Variants in ZNF518A observed in about 807,000 individuals in gnomAD.
ZNF518A encodes the protein zinc finger protein 518A, also known as zinc finger protein 518.
ZNF518A carries 47 observed loss-of-function variants against 102.7 expected under a neutral mutation model. The ratio of observed to expected loss-of-function variants is 0.46; its 90% CI spans 0.36 to 0.58. ZNF518A has a LOEUF of 0.58. Ranked by LOEUF, ZNF518A falls within the 20% of genes least tolerant of loss-of-function variation. The pLI is 0.00. For missense variants in ZNF518A, 1,793 were observed against 1,699.8 expected, an observed-to-expected ratio of 1.05 and a Z score of -0.96; for synonymous variants, 652 against 594.6, an observed-to-expected ratio of 1.10 and a Z score of -1.40.
Position 96,163,477 on chromosome 10 carries a change from G to T in ZNF518A, c.*2703G>T, listed in dbSNP as rs2083075329. The stretch of plus-strand genomic sequence containing the variant: ...AGTTTGTCCATCTCCACTGAAATGG[G>T]TTTCTTACTATTTGGCAAGTACTTA... On this transcript the variant is annotated 3_prime_UTR_variant, in exon 6 of 6. Transcript: ENST00000316045. 6.0e-6 allele frequency: 1 copy of T among 166,878 alleles called. No homozygotes were observed. 10.3% of individuals were successfully genotyped at this position (166,878 alleles called of 1,614,324 possible).
intron 3 of ZNF518A, among the ~76,000 whole-genome samples, chr10:96,152,255 G>A (rs2082483131): frequency 2.0e-5 from 3 of 152,182 alleles, no homozygotes; most frequent in Non-Finnish European, 2.9e-5. Context: ...TGAGGCTGCA[G>A]TGAGCTGAGA....
At position 96,189,947 on chromosome 10, in the gene ZNF518A, A is replaced by C. The variant is rs587628989; in HGVS notation, n.36-13627A>C. ...TAAAAGCACTGGTGGTGTTATTTCA[A>C]AGACCCCAAGGGAAACTGTTGGCTG... On this transcript the variant is annotated intron_variant and non_coding_transcript_variant, in intron 1 of 2. Coordinates refer to the ZNF518A transcript ENST00000442635. The C allele has an allele frequency of 4.1e-5, 38 of 932,022 alleles. No homozygotes were observed. In the South Asian group the frequency reaches 4.9e-4, roughly 12 times the overall value. 57.7% of individuals were successfully genotyped at this position (932,022 alleles called of 1,614,324 possible).
At chr10:96,202,503 T>G (rs2083672028) in intron 1 of ZNF518A, among the ~76,000 whole-genome samples, 1 of 152,208 alleles carries the variant, frequency 6.6e-6, no homozygotes, top group Admixed American at 6.5e-5. Context: ...CAACCAGAGT[T>G]GTCCTTTATT....
At chr10:96,191,217 T>C (rs1385000738) in intron 1 of ZNF518A, among the ~76,000 whole-genome samples, 3 of 150,312 alleles carry the variant, frequency 2.0e-5, no homozygotes, top group Non-Finnish European at 2.9e-5. Context: ...CATGTGGAAC[T>C]GTGAGTCCAT....
chr10:96,157,068 T>C lies in ZNF518A; in HGVS notation c.746T>C (p.Leu249Pro). 6.2e-7 allele frequency: 1 copy of C among 1,613,688 alleles called. No homozygotes were observed. The highest frequency in any genetic ancestry group is 8.5e-7 in the Non-Finnish European group (1 of 1,179,736). ...CHHVCFTKGE[L>P]QKHLHIHSGT... Reference sequence around the variant, plus strand: ...CATGTATGTTTTACCAAAGGAGAGCTTCAGAAGCACCTTCATATTCATTCT... The same window carrying C: ...CATGTATGTTTTACCAAAGGAGAGCCTCAGAAGCACCTTCATATTCATTCT... Residue 249 changes from leucine (L) to proline (P), a missense_variant, in exon 6 of 6, where the codon CTT (leucine) becomes CCT (proline). By Grantham distance (98) the Leu-to-Pro change is moderately conservative. This residue lies in a region of ZNF518A where 1,741 missense variants were observed against 1,622.6 expected (regional missense o/e 1.07). Transcript: ENST00000316045.
At chr10:96,182,161 A>T (rs1456683921) in intron 1 of ZNF518A, among the ~76,000 whole-genome samples, 2 of 152,144 alleles carry the variant, frequency 1.3e-5, no homozygotes, top group African/African-American at 4.8e-5. Context: ...AATGCTTGTG[A>T]TTTTTGCACA....
Position 96,201,222 on chromosome 10 carries a change from C to T in ZNF518A, n.36-2352C>T, listed in dbSNP as rs190232440. On this transcript the variant is annotated intron_variant and non_coding_transcript_variant, in intron 1 of 2. Transcript: ENST00000442635. ...GTGGTCCAAGGACCCCTGGAAATCT[C>T]GAAAATCCTTTCAGGTGGTTCAAGA... 2.2e-4 allele frequency among the ~76,000 whole-genome samples: 33 copies of T among 152,242 alleles called. 1 individual carries two copies. The highest frequency in any genetic ancestry group is 2.0e-3 in the Admixed American group (31 of 15,292).
chr10:96,135,759 CCTTGT>C (rs2142334572), intron 3 of ZNF518A, among the ~76,000 whole-genome samples: 2 of 152,210 alleles, frequency 1.3e-5, no homozygotes, highest in South Asian at 4.2e-4. Context: ...AAGAAGAATT[CCTTGT>C]CTTGGAAGTG....
In ZNF518A at chr10:96,157,396, T is replaced by G. The variant is rs1554883420; in HGVS notation, c.1074T>G (p.Ser358=). 1 of 1,612,158 alleles carries G rather than the reference T, an allele frequency of 6.2e-7. No individual in the cohort carries two copies. The highest frequency in any genetic ancestry group is 8.5e-7 in the Non-Finnish European group (1 of 1,179,160). Residue 358 remains serine, a synonymous_variant, in exon 6 of 6, where the codon TCT becomes TCG. Coordinates refer to ENST00000316045, the MANE Select transcript of ZNF518A (RefSeq NM_001330736.2). ...AAATGAACAAAACACAGACTAAATCTGAAGACCAGAGCCATGTTGTTCAAG... is the reference window on the plus strand; with the variant it reads ...AAATGAACAAAACACAGACTAAATCGGAAGACCAGAGCCATGTTGTTCAAG... The part of the protein sequence containing the change: ...LKKMNKTQTK[S]EDQSHVVQEH...
At chr10:96,148,562 TC>T (rs71034359) in intron 3 of ZNF518A, among the ~76,000 whole-genome samples, 152,352 of 152,352 alleles carry the variant, frequency 1, 76,176 homozygotes, top group Non-Finnish European at 1. Context: ...CCAGTAATCC[TC>T]TGGCCTGTCT....
At chr10:96,204,888 G>T, downstream of ZNF518A, 1 of 405,792 alleles carries the variant, frequency 2.5e-6, no homozygotes, top group East Asian at 5.5e-5. Context: ...GAACCCACGG[G>T]CCCTGAAACT....
chr10:96,147,786 ACCTTACACTGAG>A (rs1392379618), intron 3 of ZNF518A, among the ~76,000 whole-genome samples: 1 of 152,082 alleles, frequency 6.6e-6, no homozygotes, highest in Non-Finnish European at 1.5e-5. Flanking sequence ...ATGCCTGCGT[ACCTTACACTGAG>A]CACTTGGTGG....
chr10:96,142,902 G>C (rs1489892358), intron 3 of ZNF518A, among the ~76,000 whole-genome samples: 6 of 151,716 alleles, frequency 4.0e-5, no homozygotes, highest in Non-Finnish European at 5.9e-5. Context: ...TGCCACCCGG[G>C]TTCAAGTGAT....
chr10:96,168,827 G>A (rs2083157859), intron 1 of ZNF518A, among the ~76,000 whole-genome samples: 1 of 152,122 alleles, frequency 6.6e-6, no homozygotes, highest in Non-Finnish European at 1.5e-5. Flanking sequence ...TGACTATGAT[G>A]TGCCAGTATG....
At chr10:96,204,293 T>C, downstream of ZNF518A, 1 of 718,718 alleles carries the variant, frequency 1.4e-6, no homozygotes, top group Non-Finnish European at 2.3e-6. Context: ...AAGGAGGAAA[T>C]CTTGACTAAA....
At position 96,156,609 on chromosome 10, in the gene ZNF518A, G is replaced by A; in HGVS notation, c.287G>A (p.Cys96Tyr). The A allele has an allele frequency of 6.2e-7, 1 of 1,613,828 alleles. No individual in the cohort carries two copies. The highest frequency in any genetic ancestry group is 8.5e-7 in the Non-Finnish European group (1 of 1,179,774). Residue 96 changes from cysteine to tyrosine, a missense_variant, in exon 6 of 6, where the codon TGT becomes TAT. Around this residue, in one of 3 missense-constraint regions of ZNF518A, gnomAD observed 1,741 missense variants for 1,622.6 expected, o/e 1.07. Coordinates refer to ENST00000316045, the MANE Select transcript of ZNF518A (RefSeq NM_001330736.2). Reference sequence around the variant, plus strand: ...AAGACTGTAAGCTGTGTAGAGGAGTGTACATTGCTTCATAAGTCTGAGAGA... The same window carrying A: ...AAGACTGTAAGCTGTGTAGAGGAGTATACATTGCTTCATAAGTCTGAGAGA... ...SIKTVSCVEE[C>Y]TLLHKSERAE...
chr10:96,135,079 G>C (rs1474878155), intron 3 of ZNF518A: 3 of 152,204 alleles, frequency 2.0e-5, no homozygotes, highest in African/African-American at 7.2e-5. Context: ...TGTTACTCAT[G>C]CAGAGCCAGT....
In ZNF518A at chr10:96,163,082, T is replaced by C. The variant is rs896003062; in HGVS notation, c.*2308T>C. On this transcript the variant is annotated 3_prime_UTR_variant, in exon 6 of 6. Coordinates refer to ENST00000316045, the MANE Select transcript of ZNF518A (RefSeq NM_001330736.2). ...GAGAGAAGGAACTTTCCTGCTAATA[T>C]TCGCAGCACTATAACATTACATTTC... The C allele has an allele frequency of 1.2e-5, 2 of 167,018 alleles. No homozygotes were observed. The highest frequency in any genetic ancestry group is 6.5e-5 in the Admixed American group (1 of 15,280). 10.3% of individuals were successfully genotyped at this position (167,018 alleles called of 1,614,324 possible).
At chr10:96,184,652 A>G (rs1564804475) in intron 1 of ZNF518A, among the ~76,000 whole-genome samples, 1 of 152,148 alleles carries the variant, frequency 6.6e-6, no homozygotes, top group Admixed American at 6.5e-5. Context: ...TGGCTTGTAG[A>G]GTTTCTGCTG....
Sources: gnomAD v4.1 joint callset for allele counts (sites outside exome capture counted in the v4.1 genomes callset) on GRCh38, gnomAD v4.1.1 for gene constraint, gnomAD v4.1.1 regional missense constraint, MANE v1.5 for transcripts, NCBI Gene and HGNC (gene_info 2026-07-23, HGNC 2026-07-21) for gene names.